The following EPB41 variants were observed in gnomAD, a reference collection of about 807,000 sequenced individuals.
EPB41 encodes protein 4.1.
In EPB41, 65 loss-of-function variants were observed where a neutral mutation model predicts 108.0. That is an observed-to-expected ratio of 0.60 (90% CI 0.49 to 0.74). EPB41 has a LOEUF of 0.74. EPB41 is among the 30% of genes least tolerant of loss of function. EPB41 has a pLI of 0.00. For synonymous variants in EPB41, 336 were observed against 358.9 expected, an observed-to-expected ratio of 0.94 and a Z score of 0.72; for missense variants, 875 against 1,037.0, an observed-to-expected ratio of 0.84 and a Z score of 2.15.
At chr1:29,089,067 A>G (rs1347489539) in intron 16 of EPB41, among the ~76,000 whole-genome samples, 1 of 152,252 alleles carries the variant, frequency 6.6e-6, no homozygotes, top group Non-Finnish European at 1.5e-5. Flanking sequence ...GAGTCTAAAC[A>G]CTAGCTGCTC....
intron 1 of EPB41, among the ~76,000 whole-genome samples, chr1:28,986,407 T>G (rs2788887): frequency 0.99 from 151,083 of 152,292 alleles, 74,949 homozygotes; most frequent in East Asian, 1. Context: ...AAGCTTGACT[T>G]ATAATACTGG....
Position 29,115,937 on chromosome 1 carries a change from G to A in EPB41, c.*6+134G>A, listed in dbSNP as rs927278303. 16 of 702,302 alleles carry A rather than the reference G, an allele frequency of 2.3e-5. No homozygotes were observed. The highest frequency in any genetic ancestry group is 1.1e-4 in the African/African-American group (6 of 56,414). 43.5% of individuals were successfully genotyped at this position (702,302 alleles called of 1,614,324 possible). On this transcript the variant is annotated intron_variant, in intron 20 of 20. Coordinates refer to ENST00000343067, the MANE Select transcript of EPB41 (RefSeq NM_001376013.1). The surrounding 1 kb of genome is among the most constrained non-coding windows in gnomAD (Gnocchi z 4.4). ...ACCCTGGGACTTGATAAAGGCAGACGAGAGGCTGATGTGGGAGATATAGGA... is the reference window on the plus strand; with the variant it reads ...ACCCTGGGACTTGATAAAGGCAGACAAGAGGCTGATGTGGGAGATATAGGA...
upstream of EPB41, among the ~76,000 whole-genome samples, chr1:28,910,526 G>A (rs908285556): frequency 7.9e-5 from 12 of 151,926 alleles, no homozygotes; most frequent in African/African-American, 2.7e-4. Flanking sequence ...TCCCTAATCC[G>A]CCCACGTCCC....
At chr1:29,081,779 A>G (rs892801229) in intron 16 of EPB41, among the ~76,000 whole-genome samples, 4 of 151,566 alleles carry the variant, frequency 2.6e-5, no homozygotes, top group Non-Finnish European at 5.9e-5. Flanking sequence ...AGGTTGCAGT[A>G]AGCTGAGATC....
At chr1:28,919,326 A>G (rs1182691144) in intron 1 of EPB41, among the ~76,000 whole-genome samples, 2 of 152,228 alleles carry the variant, frequency 1.3e-5, no homozygotes, top group African/African-American at 4.8e-5. Flanking sequence ...AGAGACTTTA[A>G]TATCCCCTAC....
At chr1:28,985,521 G>A (rs1375565231) in intron 1 of EPB41, among the ~76,000 whole-genome samples, 3 of 152,182 alleles carry the variant, frequency 2.0e-5, no homozygotes, top group South Asian at 4.1e-4. Flanking sequence ...CTTCAGCTAG[G>A]TTATGTAGGG....
intron 15 of EPB41, among the ~76,000 whole-genome samples, chr1:29,062,275 A>G (rs769531599): frequency 1.3e-5 from 2 of 152,168 alleles, no homozygotes; most frequent in East Asian, 3.8e-4. Context: ...ATATTTCCTG[A>G]CTAGTTCGTC....
intron 17 of EPB41, among the ~76,000 whole-genome samples, chr1:29,103,081 A>G (rs1477560489): frequency 1.3e-5 from 2 of 151,942 alleles, no homozygotes; most frequent in African/African-American, 4.8e-5. Context: ...CCTAATTTTT[A>G]TATTTTTAGT....
At chr1:29,048,676 C>T (rs76326021) in intron 11 of EPB41, among the ~76,000 whole-genome samples, 7,349 of 152,258 alleles carry the variant, frequency 0.048, 224 homozygotes, top group Non-Finnish European at 0.073. Context: ...GACAATTCTC[C>T]TAGGCCCATG....
intron 1 of EPB41, among the ~76,000 whole-genome samples, chr1:28,892,305 C>G (rs1181450907): frequency 6.6e-6 from 1 of 152,150 alleles, no homozygotes; most frequent in Non-Finnish European, 1.5e-5. Flanking sequence ...GAATGGTTTA[C>G]TGTGTGCCAA....
chr1:28,923,304 A>C (rs1270381575), intron 1 of EPB41, among the ~76,000 whole-genome samples: 1 of 150,464 alleles, frequency 6.6e-6, no homozygotes, highest in African/African-American at 2.4e-5. Flanking sequence ...TATGTTGGTC[A>C]GGCTGGTCTC....
intron 16 of EPB41, chr1:29,069,213 A>G: frequency 8.1e-7 from 1 of 1,231,610 alleles, no homozygotes; most frequent in Non-Finnish European, 1.0e-6. Context: ...GGGTGTGCAA[A>G]GAACCAGTGT....
chr1:28,952,951 A>ACTC (rs71022383), intron 1 of EPB41, among the ~76,000 whole-genome samples: 73 of 151,974 alleles, frequency 4.8e-4, no homozygotes, highest in Non-Finnish European at 1.0e-3. Flanking sequence ...CTGGTCTCGA[A>ACTC]CTCCTGACCT....
rs141002946 is a variant in EPB41, at chr1:29,081,286, G to T, written c.2184+16128G>T. On this transcript the variant is annotated intron_variant, in intron 16 of 20. Coordinates refer to ENST00000343067, the MANE Select transcript of EPB41 (RefSeq NM_001376013.1). ...ACATCTGTTAGAAACATTTTAGTAT[G>T]ATGAATTTGTCTTTTATGGGCTTTT... Among the ~76,000 whole-genome samples, 47 of 152,264 alleles carry T rather than the reference G, an allele frequency of 3.1e-4. No individual in the cohort carries two copies. The South Asian group carries it at 5.4e-3, about 17-fold the overall frequency.
chr1:28,902,065 A>G lies in EPB41; in HGVS notation c.-8+14855A>G, dbSNP rs2091372877. Reference sequence around the variant, plus strand: ...AGTGCGTGGTGCATAGGAAGTGCTCAGTAAATATTTGGGGTGTAAACTGAT... The same window carrying G: ...AGTGCGTGGTGCATAGGAAGTGCTCGGTAAATATTTGGGGTGTAAACTGAT... On this transcript the variant is annotated intron_variant, in intron 1 of 16. Transcript: ENST00000347529. 4 of 604,098 alleles carry G rather than the reference A, an allele frequency of 6.6e-6. No individual in the cohort carries two copies. In the South Asian group the frequency reaches 2.9e-4, roughly 44 times the overall value. 37.4% of individuals were successfully genotyped at this position (604,098 alleles called of 1,614,324 possible).
At chr1:29,008,997 C>G (rs1420527446) in intron 4 of EPB41, among the ~76,000 whole-genome samples, 2 of 152,206 alleles carry the variant, frequency 1.3e-5, no homozygotes. Context: ...TCTGTGCTCT[C>G]AGAATACCCT....
intron 15 of EPB41, among the ~76,000 whole-genome samples, chr1:29,064,262 G>C (rs1046420646): frequency 1.3e-5 from 2 of 152,208 alleles, no homozygotes; most frequent in East Asian, 3.9e-4. Flanking sequence ...GAAAGCCTAA[G>C]GCGTTTAGTT....
chr1:28,925,165 A>G (rs368584332), intron 1 of EPB41, among the ~76,000 whole-genome samples: 63 of 152,098 alleles, frequency 4.1e-4, no homozygotes, highest in African/African-American at 1.4e-3. Context: ...GGGTTTCACC[A>G]TATTGGCCAG....
chr1:29,078,360 C>T lies in EPB41; in HGVS notation c.2184+13202C>T, dbSNP rs142697327. ...TGTAGTTGGGATCTTAGCATCTTCA[C>T]TCAATGTCAAAGTATTTTTTGTCTT... On this transcript the variant is annotated intron_variant, in intron 16 of 20. Transcript: ENST00000343067. Among the ~76,000 whole-genome samples the T allele has an allele frequency of 2.0e-5, 3 of 152,302 alleles. 1 individual carries two copies. Among genetic ancestry groups the T allele is most frequent in the South Asian group, 4.1e-4 (2 of 4,828 alleles).
Sources: gnomAD v4.1 joint callset for allele counts (sites outside exome capture counted in the v4.1 genomes callset) on GRCh38, gnomAD v4.1.1 for gene constraint, Gnocchi (gnomAD v3.1) non-coding constraint, MANE v1.5 for transcripts, NCBI Gene and HGNC (gene_info 2026-07-23, HGNC 2026-07-21) for gene names.